RTN3: variants seen among roughly 807,000 people sequenced by gnomAD.
RTN3 encodes reticulon-3.
A neutral mutation model predicts 77.8 loss-of-function variants in RTN3; 49 were observed. That is an observed-to-expected ratio of 0.63 (90% CI 0.50 to 0.80). RTN3 has a LOEUF of 0.80. Among genes scored for constraint, RTN3 ranks in the 30% least tolerant of loss-of-function variants. The probability of loss-of-function intolerance (pLI) is 0.00; values close to 1 mark genes in which losing one functional copy is unlikely to be tolerated. For missense variants in RTN3, 1,236 were observed against 1,211.9 expected, an observed-to-expected ratio of 1.02 and a Z score of -0.29; for synonymous variants, 464 against 446.9, an observed-to-expected ratio of 1.04 and a Z score of -0.48.
At position 63,732,481 on chromosome 11, in the gene RTN3, T is replaced by C. The variant is rs578254536; in HGVS notation, c.2530+11449T>C. Among the ~76,000 whole-genome samples the C allele has an allele frequency of 4.2e-4, 64 of 151,618 alleles. 1 individual carries two copies. The South Asian group carries it at 0.012, about 29-fold the overall frequency. On this transcript the variant is annotated intron_variant, in intron 3 of 8. Transcript: ENST00000377819. ...TGAGCCACTTTTGGCCAAAATTATT[T>C]CTTGACTGGACAAGAAAAAAAAAAA...
intron 7 of RTN3, among the ~76,000 whole-genome samples, chr11:63,754,967 G>A (rs2014299798): frequency 6.7e-6 from 1 of 149,764 alleles, no homozygotes; most frequent in African/African-American, 2.5e-5. Flanking sequence ...TAAAAGCCGG[G>A]TGTCTAAAAG....
chr11:63,746,150 C>T (rs1022088130), intron 3 of RTN3, among the ~76,000 whole-genome samples: 7 of 152,114 alleles, frequency 4.6e-5, no homozygotes, highest in African/African-American at 1.7e-4. Flanking sequence ...AGGCACATGT[C>T]GTCTTTATCC....
chr11:63,693,259 G>A (rs1329300842), intron 1 of RTN3, among the ~76,000 whole-genome samples: 1 of 152,124 alleles, frequency 6.6e-6, no homozygotes, highest in Non-Finnish European at 1.5e-5. Flanking sequence ...CGAGGCGAGC[G>A]GATCACCTGA....
chr11:63,709,277 G>C (rs1021032038), intron 2 of RTN3, among the ~76,000 whole-genome samples: 2 of 152,166 alleles, frequency 1.3e-5, no homozygotes, highest in African/African-American at 2.4e-5. Flanking sequence ...ATATAATTTA[G>C]TATCATCTGG....
intron 2 of RTN3, among the ~76,000 whole-genome samples, chr11:63,711,854 G>A (rs928232331): frequency 6.6e-5 from 10 of 151,976 alleles, no homozygotes; most frequent in Non-Finnish European, 8.8e-5. Context: ...GTGAGCCACC[G>A]CGCTGGGCCC....
intron 7 of RTN3, among the ~76,000 whole-genome samples, chr11:63,753,995 G>T (rs926946067): frequency 6.6e-6 from 1 of 152,164 alleles, no homozygotes; most frequent in South Asian, 2.1e-4. Context: ...GTAATAAGTT[G>T]AAAAAATGCT....
intron 3 of RTN3, among the ~76,000 whole-genome samples, chr11:63,740,399 A>T (rs2013390036): frequency 6.6e-6 from 1 of 150,594 alleles, no homozygotes; most frequent in Non-Finnish European, 1.5e-5. Context: ...CTCCTGCCTC[A>T]GCCTCCCAAG....
chr11:63,756,242 C>G, intron 8 of RTN3, 72 bp downstream of exon 8: 1 of 1,004,332 alleles, frequency 1.0e-6, no homozygotes, highest in Non-Finnish European at 1.5e-6. Flanking sequence ...GTCCCTTGTA[C>G]AAAATGCAGA....
intron 2 of RTN3, among the ~76,000 whole-genome samples, chr11:63,713,388 C>A (rs1216742274): frequency 6.6e-6 from 1 of 152,148 alleles, no homozygotes; most frequent in Non-Finnish European, 1.5e-5. Flanking sequence ...TGGCTCACTG[C>A]AGCCTCGACC....
intron 3 of RTN3, among the ~76,000 whole-genome samples, chr11:63,725,494 G>A (rs1217904096): frequency 6.6e-6 from 1 of 151,406 alleles, no homozygotes; most frequent in African/African-American, 2.4e-5. Context: ...TGTCGCCCAG[G>A]CTGGAGTGCA....
At chr11:63,731,074 G>C (rs770207806) in intron 3 of RTN3, among the ~76,000 whole-genome samples, 9 of 151,032 alleles carry the variant, frequency 6.0e-5, no homozygotes, top group Non-Finnish European at 1.2e-4. Context: ...AATTTCAAAG[G>C]ATTTTTTTTT....
chr11:63,715,437 G>T (rs1053237544), intron 2 of RTN3, among the ~76,000 whole-genome samples: 3 of 152,088 alleles, frequency 2.0e-5, no homozygotes, highest in African/African-American at 7.2e-5. Flanking sequence ...CGAGCAGATT[G>T]CTTGAGCTCA....
At position 63,681,513 on chromosome 11, in the gene RTN3, C is replaced by G. The variant is rs554436817; in HGVS notation, c.-124C>G. The stretch of plus-strand genomic sequence containing the variant: ...GCTGAGTCAGTCAGTCTGTCGGAGT[C>G]TGTCCTCGGAGCAGGCGGAGTAAAG... On this transcript the variant is annotated 5_prime_UTR_variant, in exon 1 of 9. Coordinates refer to ENST00000377819, the MANE Select transcript of RTN3 (RefSeq NM_001265589.2). The G allele has an allele frequency of 1.9e-6, 2 of 1,027,940 alleles. No homozygotes were observed. The highest frequency in any genetic ancestry group is 2.7e-6 in the Non-Finnish European group (2 of 737,782). 63.7% of individuals were successfully genotyped at this position (1,027,940 alleles called of 1,614,324 possible). A position where few individuals can be genotyped will look rare whatever the true frequency, so the allele number is the denominator to read the frequency against.
intron 1 of RTN3, among the ~76,000 whole-genome samples, chr11:63,690,238 C>T (rs1172623920): frequency 1.3e-5 from 2 of 152,236 alleles, no homozygotes; most frequent in African/African-American, 4.8e-5. Flanking sequence ...AAAATTGTGT[C>T]CTGTTATTTG....
chr11:63,752,749 C>T (rs999342468), intron 5 of RTN3, 104 bp downstream of exon 5: 20 of 1,223,930 alleles, frequency 1.6e-5, no homozygotes, highest in Middle Eastern at 2.0e-4. Flanking sequence ...CAAAAATGAA[C>T]GTATGCTTAG....
At chr11:63,683,866 G>A (rs1253737187) in intron 1 of RTN3, among the ~76,000 whole-genome samples, 2 of 149,842 alleles carry the variant, frequency 1.3e-5, no homozygotes, top group Admixed American at 6.6e-5. Context: ...CCAAGTACAT[G>A]AGTTTGCATT....
intron 1 of RTN3, among the ~76,000 whole-genome samples, chr11:63,693,994 CCTGTAGTCCCAGCTCCTTAGGAGG>C (rs1277352080): frequency 6.6e-6 from 1 of 151,986 alleles, no homozygotes; most frequent in Non-Finnish European, 1.5e-5. Context: ...GTGGTATATG[CCTGTAGTCCCAGCTCCTTAGGAGG>C]CTGAGGTGGG....
Position 63,753,103 on chromosome 11 carries a change from G to A in RTN3, c.2912G>A (p.Gly971Asp), listed in dbSNP as rs1219576264. ...TTCATGTGGCTGATGACCTATGTTG[G>A]TGCTGTTTTTAACGGAATCACCCTT... The part of the protein sequence containing the change: ...AVFMWLMTYV[G>D]AVFNGITLLI... Residue 971 changes from glycine (G) to aspartate (D), a missense_variant, in exon 6 of 9, where the codon GGT (glycine) becomes GAT (aspartate). Transcript: ENST00000377819. 6.2e-7 allele frequency: 1 copy of A among 1,614,158 alleles called. No individual in the cohort carries two copies. The highest frequency in any genetic ancestry group is 8.5e-7 in the Non-Finnish European group (1 of 1,180,010).
intron 2 of RTN3, among the ~76,000 whole-genome samples, chr11:63,718,251 A>G (rs1430419264): frequency 6.6e-6 from 1 of 152,194 alleles, no homozygotes; most frequent in Non-Finnish European, 1.5e-5. Flanking sequence ...TTATAGAGGC[A>G]GTCTGTGCTC....
Sources: allele counts gnomAD v4.1 joint callset (sites outside exome capture counted in the v4.1 genomes callset), GRCh38; gene constraint gnomAD v4.1.1; transcripts MANE v1.5; gene names NCBI Gene and HGNC (gene_info 2026-07-23, HGNC 2026-07-21).